The following DOCK5 variants were observed in gnomAD, a reference collection of about 807,000 sequenced individuals.
The protein encoded by DOCK5 is dedicator of cytokinesis 5, also known as dedicator of cytokinesis protein 5.
A neutral mutation model predicts 251.8 loss-of-function variants in DOCK5; 142 were observed. The ratio of observed to expected loss-of-function variants is 0.56; its 90% CI spans 0.49 to 0.65. The LOEUF (loss-of-function observed/expected upper bound fraction) is 0.65. Ranked by LOEUF, DOCK5 falls within the 30% of genes least tolerant of loss-of-function variation. DOCK5 has a pLI of 0.00. For synonymous variants in DOCK5, 842 were observed against 835.5 expected (o/e 1.01, Z -0.13); for missense variants, 2,111 against 2,312.3 (o/e 0.91, Z 1.79).
intron 5 of DOCK5, among the ~76,000 whole-genome samples, chr8:25,287,103 A>G (rs2117143056): frequency 6.6e-6 from 1 of 152,322 alleles, no homozygotes; most frequent in East Asian, 1.9e-4. Context: ...TCCTGTGAGT[A>G]TTGAAGGCAA....
At chr8:25,383,883 C>T (rs1312470799) in intron 40 of DOCK5, among the ~76,000 whole-genome samples, 2 of 152,036 alleles carry the variant, frequency 1.3e-5, no homozygotes, top group African/African-American at 2.4e-5. Flanking sequence ...AAACTATAAC[C>T]AAGAAAGATA....
chr8:25,207,138 AT>A (rs1265279279), intron 1 of DOCK5, among the ~76,000 whole-genome samples: 1 of 152,222 alleles, frequency 6.6e-6, no homozygotes, highest in East Asian at 1.9e-4. Context: ...ACCTCCTTCT[AT>A]ATAGCACATC....
chr8:25,275,367 A>C lies in DOCK5; in HGVS notation c.169-19A>C. ...GTTTTGTTTTTATGGCCATATAACC[A>C]AAATTCTTTTCTCTGTAGGGCATTT... On this transcript the variant is annotated intron_variant, in intron 3 of 51. Transcript: ENST00000276440. 6.3e-7 allele frequency: 1 copy of C among 1,591,104 alleles called. No homozygotes were observed. The highest frequency in any genetic ancestry group is 8.5e-7 in the Non-Finnish European group (1 of 1,173,484).
At chr8:25,192,457 T>C (rs1586215915) in intron 1 of DOCK5, among the ~76,000 whole-genome samples, 1 of 152,258 alleles carries the variant, frequency 6.6e-6, no homozygotes, top group African/African-American at 2.4e-5. Flanking sequence ...CAGGTACCAC[T>C]GTGTAGCAGC....
intron 47 of DOCK5, among the ~76,000 whole-genome samples, chr8:25,402,161 CT>C (rs1303163263): frequency 1.3e-5 from 2 of 152,178 alleles, no homozygotes; most frequent in African/African-American, 4.8e-5. Context: ...CAGGATCTCT[CT>C]TTGTCACCCA....
chr8:25,374,204 C>G (rs1200569702), intron 36 of DOCK5, among the ~76,000 whole-genome samples: 1 of 152,058 alleles, frequency 6.6e-6, no homozygotes, highest in Non-Finnish European at 1.5e-5. Context: ...CTTCTTGGCT[C>G]AAGAGGAAGG....
At chr8:25,388,288 A>G (rs1801199547) in intron 40 of DOCK5, among the ~76,000 whole-genome samples, 1 of 152,164 alleles carries the variant, frequency 6.6e-6, no homozygotes, top group Non-Finnish European at 1.5e-5. Context: ...GACATTTTAC[A>G]AGACAACCTG....
chr8:25,342,822 C>G (rs1249496785), intron 25 of DOCK5, among the ~76,000 whole-genome samples: 1 of 97,902 alleles, frequency 1.0e-5, no homozygotes, highest in Non-Finnish European at 2.0e-5. Flanking sequence ...CCTCAGCCTC[C>G]CAAGTAGCTG....
At chr8:25,362,329 C>T (rs1800697991) in intron 28 of DOCK5, among the ~76,000 whole-genome samples, 2 of 152,142 alleles carry the variant, frequency 1.3e-5, no homozygotes, top group African/African-American at 4.8e-5. Context: ...GAGATACATT[C>T]TGACAACCTG....
intron 2 of DOCK5, among the ~76,000 whole-genome samples, chr8:25,247,447 CTT>C: frequency 6.6e-6 from 1 of 151,770 alleles, no homozygotes; most frequent in South Asian, 2.1e-4. Context: ...AAATTTAAAA[CTT>C]AGCCAAGCAT....
Position 25,411,313 on chromosome 8 carries a change from C to T in DOCK5, c.*15C>T. On this transcript the variant is annotated 3_prime_UTR_variant, in exon 52 of 52. Transcript: ENST00000276440. ...GATCCCAGTAAGGATCTTGCCCTCC[C>T]TGCAACACCGAGTGCCTTAGACAGC... 2.7e-6 allele frequency: 4 copies of T among 1,462,882 alleles called. No homozygotes were observed. The highest frequency in any genetic ancestry group is 3.6e-6 in the Non-Finnish European group (4 of 1,109,638). The allele number at this position is 1,462,882 out of a possible 1,614,324, so 90.6% of individuals were successfully genotyped here.
intron 1 of DOCK5, among the ~76,000 whole-genome samples, chr8:25,196,875 T>C (rs1345322272): frequency 1.3e-5 from 2 of 152,196 alleles, no homozygotes; most frequent in Non-Finnish European, 2.9e-5. Flanking sequence ...ACCGTATGTC[T>C]GTGGTCAAGG....
At chr8:25,223,981 C>G (rs532845065) in intron 1 of DOCK5, among the ~76,000 whole-genome samples, 1 of 152,312 alleles carries the variant, frequency 6.6e-6, no homozygotes, top group African/African-American at 2.4e-5. Context: ...ACTGCTGTAT[C>G]TCCAACATGG....
intron 8 of DOCK5, among the ~76,000 whole-genome samples, chr8:25,300,155 C>T (rs1045447393): frequency 6.6e-6 from 1 of 152,244 alleles, no homozygotes; most frequent in Non-Finnish European, 1.5e-5. Flanking sequence ...ATCCGCCCGC[C>T]TTGACCTCCC....
intron 22 of DOCK5, among the ~76,000 whole-genome samples, chr8:25,337,245 C>T (rs1805834886): frequency 6.6e-6 from 1 of 152,080 alleles, no homozygotes; most frequent in African/African-American, 2.4e-5. Flanking sequence ...CACACACATG[C>T]ATGCACACAC....
intron 51 of DOCK5, 121 bp from the exon 52 acceptor site, chr8:25,411,073 G>C (rs1161583884): frequency 7.8e-7 from 1 of 1,283,070 alleles, no homozygotes; most frequent in African/African-American, 1.6e-5. Flanking sequence ...ACTTTGCAAA[G>C]CCTGTGTAGA....
At chr8:25,408,762 C>T in intron 49 of DOCK5, 40 bp from the exon 50 acceptor site, 1 of 1,609,954 alleles carries the variant, frequency 6.2e-7, no homozygotes, top group East Asian at 2.2e-5. Context: ...CTCAGCCTTC[C>T]TCACCGTGAA....
rs567816223 is a variant in DOCK5, at chr8:25,365,980, C to G, written c.3124-890C>G. On this transcript the variant is annotated intron_variant, in intron 30 of 51. Transcript: ENST00000276440. Reference sequence around the variant, plus strand: ...CAAAATGGAATTGAGCTGTGCAGTTCTTTGGTACTCTGTTAATCTGTTTTC... The same window carrying G: ...CAAAATGGAATTGAGCTGTGCAGTTGTTTGGTACTCTGTTAATCTGTTTTC... 7.9e-5 allele frequency among the ~76,000 whole-genome samples: 12 copies of G among 152,266 alleles called. No homozygotes were observed. The South Asian group carries it at 2.5e-3, about 32-fold the overall frequency.
intron 16 of DOCK5, 62 bp from the exon 17 acceptor site, chr8:25,323,786 T>C: frequency 6.4e-7 from 1 of 1,553,724 alleles, no homozygotes; most frequent in Non-Finnish European, 8.8e-7. Flanking sequence ...TGAAATCGTG[T>C]CATAGCCATC....
Sources: allele counts gnomAD v4.1 joint callset (sites outside exome capture counted in the v4.1 genomes callset), GRCh38; gene constraint gnomAD v4.1.1; transcripts MANE v1.5; gene names NCBI Gene and HGNC (gene_info 2026-07-23, HGNC 2026-07-21).